RAB33B: variants seen among roughly 807,000 people sequenced by gnomAD.
The protein encoded by RAB33B is RAB33B, member RAS oncogene family.
Under a neutral mutation model 15.0 loss-of-function variants are expected in RAB33B, and 6 were observed. The ratio of observed to expected loss-of-function variants is 0.40; its 90% confidence interval spans 0.22 to 0.79. RAB33B has a LOEUF of 0.79. Among genes scored for constraint, RAB33B ranks in the 30% least tolerant of loss-of-function variants. RAB33B has a pLI of 0.37. For missense variants in RAB33B, 257 were observed against 296.4 expected, an observed-to-expected ratio of 0.87 and a Z score of 0.98; for synonymous variants, 117 against 108.3, an observed-to-expected ratio of 1.08 and a Z score of -0.50.
chr4:139,473,421 C>A lies in RAB33B; in HGVS notation c.*295C>A, dbSNP rs1750430351. ...ATGAGAACATGATGGAATCAGTAAC[C>A]ATTCAATCTTTTGTCCTAGGATTGG... On this transcript the variant is annotated 3_prime_UTR_variant, in exon 2 of 2. Transcript: ENST00000305626. 2.8e-6 allele frequency: 1 copy of A among 361,206 alleles called. No homozygotes were observed. 22.4% of individuals were successfully genotyped at this position (361,206 alleles called of 1,614,324 possible).
Position 139,473,079 on chromosome 4 carries a change from AT to A in RAB33B, c.645del (p.Ile216SerfsTer2). 6.2e-7 allele frequency: 1 copy of A among 1,613,656 alleles called. No homozygotes were observed. The highest frequency in any genetic ancestry group is 8.5e-7 in the Non-Finnish European group (1 of 1,179,784). The part of the protein sequence containing the change: ...LMLSQPPDNG[I>X]ILKPEPKPAM... ...GCTTAGTCAGCCCCCTGATAATGGA[AT>A]TATCCTGAAGCCTGAACCAAAGCCT... On this transcript the variant is annotated frameshift_variant, in exon 2 of 2. Coordinates refer to ENST00000305626, the MANE Select transcript of RAB33B (RefSeq NM_031296.3). LOFTEE classifies it high-confidence loss of function.
chr4:139,445,594 C>T, the RAB33B span, among the ~76,000 whole-genome samples: 3 of 152,182 alleles, frequency 2.0e-5, no homozygotes, highest in Admixed American at 6.5e-5. Flanking sequence ...AGAGGAACAA[C>T]GCCTAGTGGG....
Position 139,474,648 on chromosome 4 carries a change from G to A in RAB33B, c.*1522G>A, listed in dbSNP as rs970602230. Reference sequence around the variant, plus strand: ...CCTCCTCAGTATGAAAAATAAATTAGATATTGAAAAATGTCTAAACTTCAG... The same window carrying A: ...CCTCCTCAGTATGAAAAATAAATTAAATATTGAAAAATGTCTAAACTTCAG... On this transcript the variant is annotated 3_prime_UTR_variant, in exon 2 of 2. Transcript: ENST00000305626. 4 of 152,572 alleles carry A rather than the reference G, an allele frequency of 2.6e-5. No homozygotes were observed. Among genetic ancestry groups the A allele is most frequent in the African/African-American group, 9.7e-5 (4 of 41,438 alleles). 9.5% of individuals were successfully genotyped at this position (152,572 alleles called of 1,614,324 possible).
rs926422735 is a variant in RAB33B at position 139,474,778 on chromosome 4, G to T, written c.*1652G>T. 6.6e-6 allele frequency: 1 copy of T among 152,464 alleles called. No individual in the cohort carries two copies. The highest frequency in any genetic ancestry group is 2.1e-4 in the South Asian group (1 of 4,826). 9.4% of individuals were successfully genotyped at this position (152,464 alleles called of 1,614,324 possible). On this transcript the variant is annotated 3_prime_UTR_variant, in exon 2 of 2. Coordinates refer to ENST00000305626, the MANE Select transcript of RAB33B (RefSeq NM_031296.3). ...CAAGCTTACATATTAAACTATTTAC[G>T]TAAATGGAATGTAAGCCATGACTTT...
At position 139,474,807 on chromosome 4, in the gene RAB33B, T is replaced by A. The variant is rs1750470068; in HGVS notation, c.*1681T>A. ...ATGGAATGTAAGCCATGACTTTAAC[T>A]GAAGTGTTCACATTCACTAATTTTG... On this transcript the variant is annotated 3_prime_UTR_variant, in exon 2 of 2. Transcript: ENST00000305626. The A allele has an allele frequency of 6.6e-6, 1 of 152,642 alleles. No homozygotes were observed. Among genetic ancestry groups the A allele is most frequent in the African/African-American group, 2.4e-5 (1 of 41,470 alleles). The allele number at this position is 152,642 out of a possible 1,614,324, so 9.5% of individuals were successfully genotyped here.
At chr4:139,451,225 G>C (rs756226268), upstream of RAB33B, 5 of 151,928 alleles carry the variant, frequency 3.3e-5, no homozygotes, top group Admixed American at 6.6e-5. Context: ...TTAGAGATGG[G>C]GGTCTCGCTG....
At chr4:139,462,500 CT>C (rs1363731838) in intron 1 of RAB33B, among the ~76,000 whole-genome samples, 1 of 152,172 alleles carries the variant, frequency 6.6e-6, no homozygotes, top group Non-Finnish European at 1.5e-5. Flanking sequence ...TCCTTTTCCC[CT>C]ATTCTTTCAA....
upstream of RAB33B, chr4:139,449,741 C>A (rs1749885492): frequency 6.7e-6 from 1 of 150,270 alleles, no homozygotes; most frequent in South Asian, 2.1e-4. Flanking sequence ...TGAGTTAATA[C>A]TACTTAATAA....
chr4:139,461,253 G>T (rs1750166662), intron 1 of RAB33B, among the ~76,000 whole-genome samples: 1 of 152,148 alleles, frequency 6.6e-6, no homozygotes, highest in Admixed American at 6.5e-5. Flanking sequence ...GGAGCCAGTG[G>T]TTCATGTGAA....
intron 1 of RAB33B, among the ~76,000 whole-genome samples, chr4:139,466,961 CTTTTTTT>C (rs35504904): frequency 1.5e-4 from 10 of 68,480 alleles, no homozygotes; most frequent in East Asian, 5.5e-4. Flanking sequence ...GAAGCACAAA[CTTTTTTT>C]TTTTTTTTTT....
intron 1 of RAB33B, among the ~76,000 whole-genome samples, chr4:139,462,234 T>C (rs80037868): frequency 6.6e-6 from 1 of 151,930 alleles, no homozygotes; most frequent in Non-Finnish European, 1.5e-5. Flanking sequence ...TTTGTATTTT[T>C]AGTAGAGATG....
chr4:139,449,752 A>G (rs1375254718), upstream of RAB33B: 1 of 146,408 alleles, frequency 6.8e-6, no homozygotes, highest in East Asian at 2.0e-4. Flanking sequence ...TACTTAATAA[A>G]CTCCATATAT....
intron 1 of RAB33B, among the ~76,000 whole-genome samples, chr4:139,470,102 C>G (rs13103045): frequency 0.2 from 31,186 of 152,196 alleles, 3,531 homozygotes; most frequent in Non-Finnish European, 0.26. Flanking sequence ...CAGCAGGTGG[C>G]AAAGCCAGCC....
intron 1 of RAB33B, among the ~76,000 whole-genome samples, chr4:139,469,344 A>C (rs1398149494): frequency 1.3e-5 from 2 of 152,128 alleles, no homozygotes; most frequent in African/African-American, 4.8e-5. Context: ...TCTGCTGTTA[A>C]AGGACTCTGA....
At chr4:139,441,507 G>A in the RAB33B span, among the ~76,000 whole-genome samples, 3 of 152,034 alleles carry the variant, frequency 2.0e-5, no homozygotes, top group African/African-American at 7.2e-5. Context: ...TAACCACAAT[G>A]TACTGTCCAA....
intron 1 of RAB33B, among the ~76,000 whole-genome samples, chr4:139,462,007 G>C (rs1165717195): frequency 2.0e-5 from 3 of 150,618 alleles, no homozygotes; most frequent in Non-Finnish European, 4.4e-5. Flanking sequence ...TGGCAACCTA[G>C]CTACTGCTAA....
the RAB33B span, among the ~76,000 whole-genome samples, chr4:139,438,555 T>G: frequency 6.6e-6 from 1 of 151,954 alleles, no homozygotes; most frequent in Non-Finnish European, 1.5e-5. Flanking sequence ...AAATTTCCCC[T>G]GGATAAATCT....
At position 139,472,753 on chromosome 4, in the gene RAB33B, A is replaced by G; in HGVS notation, c.317A>G (p.Asn106Ser). 1 of 1,613,926 alleles carries G rather than the reference A, an allele frequency of 6.2e-7. No individual in the cohort carries two copies. ...RKSMVQHYYR[N>S]VHAVVFVYDM... is the part of the protein sequence containing the mutation. ...AGCATGGTTCAGCACTACTACAGAAATGTACATGCTGTTGTCTTCGTGTAT... is the reference window on the plus strand; with the variant it reads ...AGCATGGTTCAGCACTACTACAGAAGTGTACATGCTGTTGTCTTCGTGTAT... The change falls in exon 2 of 2, where the codon AAT (asparagine) becomes AGT (serine). Residue 106 changes from asparagine to serine, a missense_variant. Asn to Ser is a conservative substitution (Grantham distance 46). Transcript: ENST00000305626.
chr4:139,454,108 C>G (rs1417838537), upstream of RAB33B: 5 of 1,463,344 alleles, frequency 3.4e-6, no homozygotes, highest in South Asian at 2.8e-5. Context: ...CCGAACTGGC[C>G]GGCTGGGCGC....
Sources: allele counts gnomAD v4.1 joint callset (sites outside exome capture counted in the v4.1 genomes callset), GRCh38; gene constraint gnomAD v4.1.1; transcripts MANE v1.5; gene names NCBI Gene and HGNC (gene_info 2026-07-23, HGNC 2026-07-21).